Variants in EIF2AK1 observed in about 807,000 individuals in gnomAD.
The protein encoded by EIF2AK1 is eukaryotic translation initiation factor 2 alpha kinase 1.
A neutral mutation model predicts 77.9 loss-of-function variants in EIF2AK1; 54 were observed. The observed-to-expected ratio is 0.69, with a 90% CI of 0.56 to 0.87. The LOEUF (loss-of-function observed/expected upper bound fraction) is 0.87, where lower values mean the gene tolerates loss of function less well. Among genes scored for constraint, EIF2AK1 ranks in the 40% least tolerant of loss-of-function variants. The pLI, the probability that EIF2AK1 is intolerant of heterozygous loss-of-function variation, is 0.00. For missense variants in EIF2AK1, 810 were observed against 768.6 expected, an observed-to-expected ratio of 1.05 and a Z score of -0.64; for synonymous variants, 314 against 290.5, an observed-to-expected ratio of 1.08 and a Z score of -0.82.
At chr7:6,047,213 T>C (rs1788472072) in intron 4 of EIF2AK1, 122 bp from the exon 5 acceptor site, 1 of 1,029,704 alleles carries the variant, frequency 9.7e-7, no homozygotes, top group Middle Eastern at 2.0e-4. Flanking sequence ...TGTGCTGATT[T>C]GGAAAGGATG....
At position 6,036,678 on chromosome 7, in the gene EIF2AK1, A is replaced by AT. The variant is rs1479379044; in HGVS notation, c.1332+745dup. ...ACAAATATATTTTCTCTCTTTCTTG[A>AT]TAGCCTTTTGTGGATAAAAATCAAA... On this transcript the variant is annotated intron_variant, in intron 11 of 14. Coordinates refer to ENST00000199389, the MANE Select transcript of EIF2AK1 (RefSeq NM_014413.4). This position sits in a 1 kb window ranked among gnomAD's most constrained non-coding sequence, Gnocchi z 4.6. Among the ~76,000 whole-genome samples, 4 of 151,814 alleles carry AT rather than the reference A, an allele frequency of 2.6e-5. No individual in the cohort carries two copies. The highest frequency in any genetic ancestry group is 7.3e-5 in the African/African-American group (3 of 41,308).
intron 10 of EIF2AK1, 67 bp downstream of exon 10, chr7:6,038,493 C>G (rs1190143227): frequency 8.4e-6 from 10 of 1,190,486 alleles, no homozygotes; most frequent in African/African-American, 1.6e-5. Context: ...GGAGGCAACT[C>G]CTACATGAGA....
chr7:6,028,199 A>G (rs1787805271), intron 13 of EIF2AK1: 1 of 313,156 alleles, frequency 3.2e-6, no homozygotes, highest in African/African-American at 2.2e-5. Flanking sequence ...TACAGTACTC[A>G]GTTATCTCCA....
At chr7:6,043,561 C>T (rs531463524) in intron 7 of EIF2AK1, among the ~76,000 whole-genome samples, 3 of 151,866 alleles carry the variant, frequency 2.0e-5, no homozygotes, top group South Asian at 2.1e-4. Flanking sequence ...CCCGAGTAGC[C>T]GGGACTACAG....
At position 6,050,039 on chromosome 7, in the gene EIF2AK1, C is replaced by T. The variant is rs768736998; in HGVS notation, c.284G>A (p.Cys95Tyr). Residue 95 changes from cysteine (C) to tyrosine (Y), a missense_variant, in exon 3 of 15, where the codon TGC becomes TAC. Cys to Tyr is a radical substitution (Grantham distance 194, BLOSUM62 -2). This residue lies in a region of EIF2AK1 where 246 missense variants were observed against 199.0 expected (regional missense o/e 1.24). Coordinates refer to ENST00000199389, the MANE Select transcript of EIF2AK1 (RefSeq NM_014413.4). Reference sequence around the variant, plus strand: ...CAGCCCCATTTTGATAAACGTCTGGCAAAGTACTATAAAAAGAATATGAAA... The same window carrying T: ...CAGCCCCATTTTGATAAACGTCTGGTAAAGTACTATAAAAAGAATATGAAA... ...LRSRQVFKLL[C>Y]QTFIKMGLLS... 6.3e-7 allele frequency: 1 copy of T among 1,599,600 alleles called. No homozygotes were observed. The highest frequency in any genetic ancestry group is 8.5e-7 in the Non-Finnish European group (1 of 1,176,236).
At chr7:6,029,170 T>G (rs1355653270) in intron 11 of EIF2AK1, 138 bp from the exon 12 acceptor site, 11 of 710,972 alleles carry the variant, frequency 1.5e-5, no homozygotes, top group Non-Finnish European at 2.1e-5. Flanking sequence ...GTTCCCAAAT[T>G]TGCCTACACA....
chr7:6,041,359 T>C (rs1788291815), intron 8 of EIF2AK1, 140 bp from the exon 9 acceptor site: 1 of 841,264 alleles, frequency 1.2e-6, no homozygotes, highest in Non-Finnish European at 1.8e-6. Flanking sequence ...CCCAACATGG[T>C]AAAACCCCAT....
intron 8 of EIF2AK1, among the ~76,000 whole-genome samples, chr7:6,042,632 C>T (rs1203399297): frequency 1.3e-5 from 2 of 152,008 alleles, no homozygotes; most frequent in East Asian, 1.9e-4. Flanking sequence ...TTTGGGAGGC[C>T]GAGGTGGGCA....
intron 8 of EIF2AK1, among the ~76,000 whole-genome samples, chr7:6,042,163 A>G (rs925213802): frequency 2.0e-5 from 3 of 151,980 alleles, no homozygotes; most frequent in African/African-American, 4.8e-5. Flanking sequence ...AAAATAATAA[A>G]AAATAGGCCA....
intron 4 of EIF2AK1, among the ~76,000 whole-genome samples, chr7:6,047,567 G>A (rs534467508): frequency 5.9e-5 from 9 of 151,886 alleles, no homozygotes; most frequent in Middle Eastern, 3.4e-3. Flanking sequence ...CAGCTACTCC[G>A]GAGGCTGATG....
chr7:6,042,053 G>T (rs1788314506), intron 8 of EIF2AK1, among the ~76,000 whole-genome samples: 2 of 152,180 alleles, frequency 1.3e-5, no homozygotes, highest in East Asian at 3.9e-4. Context: ...GGCAGCTAAG[G>T]TGGGAGGATT....
At position 6,022,985 on chromosome 7, in the gene EIF2AK1, G is replaced by C. The variant is rs1787543158; in HGVS notation, c.*1688C>G. 3.6e-6 allele frequency: 1 copy of C among 278,226 alleles called. No individual in the cohort carries two copies. The highest frequency in any genetic ancestry group is 6.7e-6 in the Non-Finnish European group (1 of 148,548). 17.2% of individuals were successfully genotyped at this position (278,226 alleles called of 1,614,324 possible). ...CAAGAGCCTGGGAGATGCAGCTCCT[G>C]GGTTTCCAGCCCTCAGCCCCCAAAA... On this transcript the variant is annotated 3_prime_UTR_variant, in exon 15 of 15. Coordinates refer to ENST00000199389, the MANE Select transcript of EIF2AK1 (RefSeq NM_014413.4).
At position 6,035,380 on chromosome 7, in the gene EIF2AK1, A is replaced by C. The variant is rs1583482747; in HGVS notation, c.1332+2044T>G. 1 of 1,407,426 alleles carries C rather than the reference A, an allele frequency of 7.1e-7. No homozygotes were observed. 87.2% of individuals were successfully genotyped at this position (1,407,426 alleles called of 1,614,324 possible). A position where few individuals can be genotyped will look rare whatever the true frequency, so the allele number is the denominator to read the frequency against. On this transcript the variant is annotated intron_variant, in intron 11 of 14. Coordinates refer to ENST00000199389, the MANE Select transcript of EIF2AK1 (RefSeq NM_014413.4). The surrounding 1 kb of genome is among the most constrained non-coding windows in gnomAD (Gnocchi z 5.5). ...ATAAATACTGGCTTCTTAAGCATTA[A>C]CTGTCCACGTAGAGCCGTTCCCACT...
intron 14 of EIF2AK1, among the ~76,000 whole-genome samples, chr7:6,025,589 T>TTTTG (rs1290979172): frequency 1.3e-5 from 2 of 152,334 alleles, no homozygotes; most frequent in African/African-American, 4.8e-5. Context: ...GGTTTAAATA[T>TTTTG]TTTGTTTGCA....
rs776153903 is a variant in EIF2AK1, at chr7:6,028,629, C to G, written c.1516G>C (p.Glu506Gln). The change falls in exon 13 of 15, where the codon GAG becomes CAG. Residue 506 changes from glutamate (E) to glutamine (Q), a missense_variant. This residue lies in a region of EIF2AK1 where 549 missense variants were observed against 533.7 expected (regional missense o/e 1.03). Coordinates refer to ENST00000199389, the MANE Select transcript of EIF2AK1 (RefSeq NM_014413.4). ...ACAAATACTACCTTGGCATCATACT[C>G]AGATCCTTCCAACTGTTCGGGTGAA... Reference protein sequence around the residue: ...YASPEQLEGSEYDAKSDMYSL... With the variant: ...YASPEQLEGSQYDAKSDMYSL... 8.6e-5 allele frequency: 139 copies of G among 1,614,050 alleles called. No individual in the cohort carries two copies. The highest frequency in any genetic ancestry group is 1.1e-4 in the Non-Finnish European group (131 of 1,180,006).
Position 6,036,166 on chromosome 7 carries a change from A to G in EIF2AK1, c.1332+1258T>C. The G allele has an allele frequency of 4.5e-6, 7 of 1,549,976 alleles. No individual in the cohort carries two copies. Among genetic ancestry groups the G allele is most frequent in the Non-Finnish European group, 6.1e-6 (7 of 1,146,598 alleles). ...ACTTATCCTCTGAGAATGACCAATAACCAAGGAATTCTACCTGCAGGAATC... is the reference window on the plus strand; with the variant it reads ...ACTTATCCTCTGAGAATGACCAATAGCCAAGGAATTCTACCTGCAGGAATC... On this transcript the variant is annotated intron_variant, in intron 11 of 14. Transcript: ENST00000199389. This position sits in a 1 kb window ranked among gnomAD's most constrained non-coding sequence, Gnocchi z 4.6.
chr7:6,036,474 C>A lies in EIF2AK1; in HGVS notation c.1332+950G>T. 1.1e-6 allele frequency: 1 copy of A among 911,342 alleles called. No individual in the cohort carries two copies. The highest frequency in any genetic ancestry group is 1.6e-6 in the Non-Finnish European group (1 of 637,826). 56.5% of individuals were successfully genotyped at this position (911,342 alleles called of 1,614,324 possible). On this transcript the variant is annotated intron_variant, in intron 11 of 14. Transcript: ENST00000199389. This position sits in a 1 kb window ranked among gnomAD's most constrained non-coding sequence, Gnocchi z 4.6. ...AGACATGTCCCAGAAAATGCTTCAC[C>A]TATCACCTGTGACATCCCAAATGTA...
chr7:6,029,116 C>A, intron 11 of EIF2AK1, 84 bp from the exon 12 acceptor site: 4 of 1,168,746 alleles, frequency 3.4e-6, no homozygotes, highest in Non-Finnish European at 1.2e-6. Context: ...GTGTTTGGAA[C>A]TCAGGAGCAA....
intron 11 of EIF2AK1, among the ~76,000 whole-genome samples, chr7:6,034,246 G>T (rs2128887107): frequency 6.6e-6 from 1 of 152,116 alleles, no homozygotes; most frequent in East Asian, 1.9e-4. Flanking sequence ...GGCAGCAGTT[G>T]CAGTGAGCCA....
Sources: allele counts gnomAD v4.1 joint callset (sites outside exome capture counted in the v4.1 genomes callset), GRCh38; gene constraint gnomAD v4.1.1; regional missense constraint gnomAD v4.1.1; non-coding constraint Gnocchi (gnomAD v3.1); transcripts MANE v1.5; gene names NCBI Gene and HGNC (gene_info 2026-07-23, HGNC 2026-07-21).